METTL21A: variants seen among roughly 807,000 people sequenced by gnomAD.
The protein encoded by METTL21A is protein N-lysine methyltransferase METTL21A.
METTL21A carries 22 observed loss-of-function variants against 20.9 expected under a neutral mutation model. The observed-to-expected ratio is 1.05, with a 90% CI of 0.75 to 1.50. The LOEUF (loss-of-function observed/expected upper bound fraction) is 1.50. METTL21A is among the 40% of genes most tolerant of loss of function. The pLI, the probability that METTL21A is intolerant of heterozygous loss-of-function variation, is 0.00. For synonymous variants in METTL21A, 93 were observed against 102.0 expected (o/e 0.91, Z 0.53); for missense variants, 271 against 266.8 (o/e 1.02, Z -0.11).
At chr2:207,606,786 G>C (rs758423638), downstream of METTL21A, among the ~76,000 whole-genome samples, 3 of 152,044 alleles carry the variant, frequency 2.0e-5, no homozygotes, top group Non-Finnish European at 4.4e-5. Context: ...ATTATATAGT[G>C]ATTTTTTAAA....
At chr2:207,599,131 CTT>C (rs1335897867) in intron 3 of METTL21A, 1 of 193,036 alleles carries the variant, frequency 5.2e-6, no homozygotes, top group Non-Finnish European at 1.1e-5. Context: ...GTGATGTAGT[CTT>C]TATGTTTGGA....
rs775420438 is a variant in METTL21A at position 207,624,218 on chromosome 2, G to A, written c.147+11C>T. ...GTGAACGTTTTCAGAGGTCCCCCAG[G>A]GCTTACTTACCGCATCCCAAACCAC... is the stretch of plus-strand genomic sequence containing the variant. On this transcript the variant is annotated intron_variant, in intron 2 of 3. Coordinates refer to ENST00000406927, the Ensembl canonical transcript of METTL21A. The A allele has an allele frequency of 1.3e-6, 2 of 1,592,096 alleles. No individual in the cohort carries two copies. The highest frequency in any genetic ancestry group is 1.1e-5 in the South Asian group (1 of 88,136).
At chr2:207,620,682 G>A (rs181919691) in intron 3 of METTL21A, 47 of 1,534,850 alleles carry the variant, frequency 3.1e-5, no homozygotes, top group South Asian at 2.0e-4. Context: ...GGGCTTCATC[G>A]ATGACTTAAG....
downstream of METTL21A, among the ~76,000 whole-genome samples, chr2:207,605,094 G>C (rs981634409): frequency 6.6e-6 from 1 of 152,150 alleles, no homozygotes; most frequent in Non-Finnish European, 1.5e-5. Context: ...CCTGGGAGTG[G>C]AGTTGCTGGG....
chr2:207,599,483 T>C, intron 3 of METTL21A: 1 of 196,212 alleles, frequency 5.1e-6, no homozygotes, highest in Non-Finnish European at 1.1e-5. Flanking sequence ...CCCTGATAAA[T>C]CAAGGCAATC....
intron 3 of METTL21A, chr2:207,582,925 A>ATC: frequency 3.8e-6 from 1 of 261,738 alleles, no homozygotes; most frequent in South Asian, 4.0e-5. Context: ...AAAAATATAT[A>ATC]TATATACATA....
intron 3 of METTL21A, among the ~76,000 whole-genome samples, chr2:207,596,374 T>A (rs1259288574): frequency 6.6e-6 from 1 of 152,258 alleles, no homozygotes; most frequent in African/African-American, 2.4e-5. Context: ...AATATTTTAA[T>A]TAATAGTAAG....
chr2:207,605,447 A>G (rs1338786377), downstream of METTL21A, among the ~76,000 whole-genome samples: 1 of 152,146 alleles, frequency 6.6e-6, no homozygotes, highest in Non-Finnish European at 1.5e-5. Flanking sequence ...CTAGGCCCTT[A>G]TAATATTTTC....
intron 3 of METTL21A, among the ~76,000 whole-genome samples, chr2:207,592,094 A>G (rs1163144728): frequency 6.6e-6 from 1 of 152,208 alleles, no homozygotes; most frequent in Non-Finnish European, 1.5e-5. Flanking sequence ...TATTTGAAAG[A>G]TATTTTTGCT....
chr2:207,588,911 G>A (rs914480513), intron 3 of METTL21A, among the ~76,000 whole-genome samples: 1 of 151,136 alleles, frequency 6.6e-6, no homozygotes, highest in African/African-American at 2.4e-5. Context: ...AGATTCTTTG[G>A]GATTCTCTAC....
At chr2:207,613,612 T>C (rs1443219405) in intron 3 of METTL21A, among the ~76,000 whole-genome samples, 169 bp from the exon 4 acceptor site, 1 of 152,192 alleles carries the variant, frequency 6.6e-6, no homozygotes, top group East Asian at 1.9e-4. Context: ...CACAGCTCCT[T>C]TTGCATTAAC....
intron 3 of METTL21A, among the ~76,000 whole-genome samples, chr2:207,590,456 T>C (rs2084814747): frequency 6.6e-6 from 1 of 152,076 alleles, no homozygotes; most frequent in Admixed American, 6.6e-5. Flanking sequence ...TGTATTGATT[T>C]GTACTCTGAT....
chr2:207,599,767 T>G (rs906880242), intron 3 of METTL21A: 1 of 196,122 alleles, frequency 5.1e-6, no homozygotes, highest in Non-Finnish European at 1.1e-5. Context: ...ATTAAGAAAA[T>G]GACATAATTT....
chr2:207,618,026 T>C (rs2090002202), intron 3 of METTL21A, among the ~76,000 whole-genome samples: 1 of 152,292 alleles, frequency 6.6e-6, no homozygotes, highest in African/African-American at 2.4e-5. Context: ...TAGCCAGGTA[T>C]AGATATCCAG....
rs1434473217 is a variant in METTL21A at position 207,593,172 on chromosome 2, C to A, written c.260-11012G>T. 3.9e-5 allele frequency among the ~76,000 whole-genome samples: 6 copies of A among 152,222 alleles called. No individual in the cohort carries two copies. In the East Asian group the frequency reaches 1.2e-3, roughly 29 times the overall value. On this transcript the variant is annotated intron_variant, in intron 3 of 3. Transcript: ENST00000425132. Reference sequence around the variant, plus strand: ...CCATGCCACTGCTGAAATAACCCATCTGATCTTACATGTTATCCACCATTC... The same window carrying A: ...CCATGCCACTGCTGAAATAACCCATATGATCTTACATGTTATCCACCATTC...
chr2:207,614,705 CT>C (rs957248028), intron 3 of METTL21A, among the ~76,000 whole-genome samples: 2 of 151,770 alleles, frequency 1.3e-5, no homozygotes, highest in African/African-American at 4.8e-5. Flanking sequence ...CAAAAAGATC[CT>C]TTTTTTTGAA....
At chr2:207,602,780 AT>A (rs1223531205) in intron 3 of METTL21A, 48 of 214,546 alleles carry the variant, frequency 2.2e-4, no homozygotes, top group East Asian at 3.5e-4. Context: ...AATTGTCAAC[AT>A]TTTTTTTGAG....
downstream of METTL21A, among the ~76,000 whole-genome samples, chr2:207,581,176 A>G (rs2082914100): frequency 6.6e-6 from 1 of 152,230 alleles, no homozygotes; most frequent in Admixed American, 6.5e-5. Context: ...TTAGGAAAGT[A>G]AAAGATAAAG....
At chr2:207,623,509 C>CTTA (rs1429648471) in intron 2 of METTL21A, among the ~76,000 whole-genome samples, 1 of 152,140 alleles carries the variant, frequency 6.6e-6, no homozygotes. Flanking sequence ...AAAGAAAACA[C>CTTA]ATAATCTCCA....
Sources: allele counts gnomAD v4.1 joint callset (sites outside exome capture counted in the v4.1 genomes callset), GRCh38; gene constraint gnomAD v4.1.1; transcripts MANE v1.5; gene names NCBI Gene and HGNC (gene_info 2026-07-23, HGNC 2026-07-21).